Variants in DZIP3 observed in about 807,000 individuals in gnomAD.
The protein encoded by DZIP3 is DAZ interacting zinc finger protein 3, also known as E3 ubiquitin-protein ligase DZIP3.
DZIP3 carries 118 observed loss-of-function variants against 162.0 expected under a neutral mutation model. That is an observed-to-expected ratio of 0.73 (90% CI 0.63 to 0.85). The LOEUF is 0.85. Ranked by LOEUF, DZIP3 falls within the 40% of genes least tolerant of loss-of-function variation. The probability of loss-of-function intolerance (pLI) is 0.00; values close to 1 mark genes in which losing one functional copy is unlikely to be tolerated. For missense variants in DZIP3, 1,331 were observed against 1,407.0 expected (o/e 0.95, Z 0.86); for synonymous variants, 438 against 458.6 (o/e 0.96, Z 0.57).
At chr3:108,620,387 A>G (rs745369919) in intron 5 of DZIP3, among the ~76,000 whole-genome samples, 1 of 152,216 alleles carries the variant, frequency 6.6e-6, no homozygotes, top group Non-Finnish European at 1.5e-5. Flanking sequence ...TTTATCAGTT[A>G]GGGAACACTG....
chr3:108,658,772 G>C (rs1355854788), intron 19 of DZIP3, among the ~76,000 whole-genome samples: 5 of 151,582 alleles, frequency 3.3e-5, no homozygotes, highest in Non-Finnish European at 7.4e-5. Flanking sequence ...AAAGAGAGAA[G>C]AATCAAATAG....
At chr3:108,610,495 A>G (rs773160600) in intron 3 of DZIP3, among the ~76,000 whole-genome samples, 6 of 152,200 alleles carry the variant, frequency 3.9e-5, no homozygotes, top group Non-Finnish European at 7.4e-5. Context: ...TAGCCCATAC[A>G]AGGGCATTTC....
At chr3:108,634,790 T>A in intron 9 of DZIP3, 81 bp from the exon 10 acceptor site, 1 of 703,814 alleles carries the variant, frequency 1.4e-6, no homozygotes, top group Non-Finnish European at 2.2e-6. Flanking sequence ...TAGAATAATT[T>A]TTAAAGTGAC....
intron 19 of DZIP3, among the ~76,000 whole-genome samples, chr3:108,660,199 G>T (rs554423371): frequency 2.2e-4 from 34 of 152,254 alleles, no homozygotes; most frequent in Admixed American, 1.6e-3. Context: ...TAAGGCACAA[G>T]AACAAAGCTG....
intron 28 of DZIP3, 99 bp downstream of exon 28, chr3:108,686,683 A>C (rs995781557): frequency 3.9e-5 from 51 of 1,323,086 alleles, no homozygotes; most frequent in Non-Finnish European, 4.9e-5. Flanking sequence ...CATAACAAAC[A>C]CAAAAAAAGT....
Position 108,661,906 on chromosome 3 carries a change from T to C in DZIP3, c.2229T>C (p.Tyr743=). The C allele has an allele frequency of 6.2e-7, 1 of 1,613,956 alleles. No homozygotes were observed. Among genetic ancestry groups the C allele is most frequent in the Non-Finnish European group, 8.5e-7 (1 of 1,179,904 alleles). Residue 743 remains tyrosine (Y), a synonymous_variant, in exon 20 of 33, where the codon TAT becomes TAC. Coordinates refer to ENST00000361582, the MANE Select transcript of DZIP3 (RefSeq NM_014648.4). ...QGSAGKVTTD[Y]GETEKERLAR... is the part of the protein sequence containing the mutation. The stretch of plus-strand genomic sequence containing the variant: ...CAGCTGGCAAAGTAACTACAGACTA[T>C]GGAGAAACTGAAAAGGAAAGGCTTG...
At chr3:108,625,789 T>TAAA in intron 6 of DZIP3, 56 bp from the exon 7 acceptor site, 3 of 1,276,290 alleles carry the variant, frequency 2.4e-6, no homozygotes, top group South Asian at 3.6e-5. Context: ...TTGTTTATTG[T>TAAA]AAAAAAAAAA....
chr3:108,663,354 C>T lies in DZIP3; in HGVS notation c.2423+1097C>T, dbSNP rs549104483. ...GGTGGATCACTTGAGGTTGGGAGTT[C>T]GAAACCAGCCTGACCAACATGGAAA... is the stretch of plus-strand genomic sequence containing the variant. On this transcript the variant is annotated intron_variant, in intron 21 of 32. Transcript: ENST00000361582. Among the ~76,000 whole-genome samples, 6 of 151,974 alleles carry T rather than the reference C, an allele frequency of 3.9e-5. No individual in the cohort carries two copies. The East Asian group carries it at 7.8e-4, about 20-fold the overall frequency.
intron 31 of DZIP3, among the ~76,000 whole-genome samples, chr3:108,690,085 T>TA (rs1944635945): frequency 6.6e-6 from 1 of 152,196 alleles, no homozygotes; most frequent in Admixed American, 6.5e-5. Flanking sequence ...ATTTAGGAAA[T>TA]ACATGTTTAA....
In DZIP3 at chr3:108,688,812, AT is replaced by A. The variant is rs757276135; in HGVS notation, c.3415-7del. 6.2e-7 allele frequency: 1 copy of A among 1,613,864 alleles called. No homozygotes were observed. Among genetic ancestry groups the A allele is most frequent in the Non-Finnish European group, 8.5e-7 (1 of 1,179,982 alleles). On this transcript the variant is annotated splice_polypyrimidine_tract_variant and intron_variant, in intron 30 of 32. Transcript: ENST00000361582. ...ATGAGCTAAATTTAACATTTTCTGT[AT>A]TTTCCCTAGGATGAGGAAGAGGAAG...
intron 12 of DZIP3, among the ~76,000 whole-genome samples, chr3:108,641,685 A>G (rs1489994246): frequency 6.6e-6 from 1 of 152,210 alleles, no homozygotes; most frequent in Non-Finnish European, 1.5e-5. Context: ...TTTACTCAGT[A>G]TCTTCCCCAA....
intron 19 of DZIP3, among the ~76,000 whole-genome samples, chr3:108,660,014 C>T (rs1325822587): frequency 6.6e-6 from 1 of 152,180 alleles, no homozygotes; most frequent in Non-Finnish European, 1.5e-5. Context: ...GAAGAACATT[C>T]CATGCTCATG....
rs757944162 is a variant in DZIP3 at position 108,662,001 on chromosome 3, G to A, written c.2295+29G>A. ...AGTATTTTTGCCATTAGATCTGATG[G>A]AAGTGAGAAGTATTTCAAATATTAA... is the stretch of plus-strand genomic sequence containing the variant. On this transcript the variant is annotated intron_variant, in intron 20 of 32. Coordinates refer to ENST00000361582, the MANE Select transcript of DZIP3 (RefSeq NM_014648.4). 5.6e-6 allele frequency: 9 copies of A among 1,601,216 alleles called. No individual in the cohort carries two copies. In the East Asian group the frequency reaches 2.0e-4, roughly 36 times the overall value.
chr3:108,634,969 TC>T lies in DZIP3; in HGVS notation c.916del (p.Gln306ArgfsTer9). ...ATTTAAAGTATCCAGGTGAAAATGATCAGGTATTATATTCGTTCTTAAAACT... is the reference window on the plus strand; with the variant it reads ...ATTTAAAGTATCCAGGTGAAAATGATAGGTATTATATTCGTTCTTAAAACT... ...KNLKYPGEND[Q>X]SFSGKKCLKE... On this transcript the variant is annotated frameshift_variant and splice_region_variant, in exon 10 of 33. Coordinates refer to ENST00000361582, the MANE Select transcript of DZIP3 (RefSeq NM_014648.4). LOFTEE classifies it high-confidence loss of function. 1 of 1,577,022 alleles carries T rather than the reference TC, an allele frequency of 6.3e-7. No homozygotes were observed. The highest frequency in any genetic ancestry group is 8.7e-7 in the Non-Finnish European group (1 of 1,150,174).
intron 4 of DZIP3, among the ~76,000 whole-genome samples, chr3:108,615,567 T>G (rs181963064): frequency 6.6e-6 from 1 of 152,118 alleles, no homozygotes; most frequent in African/African-American, 2.4e-5. Flanking sequence ...AACAGGAAAA[T>G]GTTATATATG....
Position 108,610,163 on chromosome 3 carries a change from T to C in DZIP3, c.103-1011T>C, listed in dbSNP as rs531675776. 5.8e-4 allele frequency among the ~76,000 whole-genome samples: 89 copies of C among 152,316 alleles called. 1 individual carries two copies. The highest frequency in any genetic ancestry group is 1.5e-3 in the East Asian group (8 of 5,188). ...ACATTTTTCTACATAAATAATCTTATGAAATGCTATAAAATCTAAGGTATA... is the reference window on the plus strand; with the variant it reads ...ACATTTTTCTACATAAATAATCTTACGAAATGCTATAAAATCTAAGGTATA... On this transcript the variant is annotated intron_variant, in intron 3 of 32. Transcript: ENST00000361582.
chr3:108,660,528 A>G (rs1943370403), intron 19 of DZIP3, among the ~76,000 whole-genome samples: 1 of 152,140 alleles, frequency 6.6e-6, no homozygotes, highest in Admixed American at 6.5e-5. Flanking sequence ...CTAAAACCAT[A>G]AAAACCCTAG....
chr3:108,601,878 C>G (rs898855958), intron 1 of DZIP3, among the ~76,000 whole-genome samples: 13 of 152,278 alleles, frequency 8.5e-5, no homozygotes, highest in African/African-American at 3.1e-4. Flanking sequence ...TTGCCCCTCC[C>G]TAGTTATTAT....
intron 5 of DZIP3, among the ~76,000 whole-genome samples, chr3:108,620,685 T>G (rs1373635882): frequency 1.3e-5 from 2 of 152,222 alleles, no homozygotes; most frequent in Non-Finnish European, 2.9e-5. Flanking sequence ...GCATAGACCA[T>G]TTTTATACGA....
Sources: allele counts gnomAD v4.1 joint callset (sites outside exome capture counted in the v4.1 genomes callset), GRCh38; gene constraint gnomAD v4.1.1; transcripts MANE v1.5; gene names NCBI Gene and HGNC (gene_info 2026-07-23, HGNC 2026-07-21).